Variants in DROSHA observed in about 807,000 individuals in gnomAD.
DROSHA encodes drosha ribonuclease III.
DROSHA carries 56 observed loss-of-function variants against 181.9 expected under a neutral mutation model. The ratio of observed to expected loss-of-function variants is 0.31; its 90% CI spans 0.25 to 0.38. DROSHA has a LOEUF of 0.38. Among genes scored for constraint, DROSHA ranks in the 10% least tolerant of loss-of-function variants. The pLI is 1.00. For synonymous variants in DROSHA, 524 were observed against 591.2 expected (o/e 0.89, Z 1.65); for missense variants, 1,218 against 1,743.5 (o/e 0.70, Z 5.37).
chr5:31,412,263 G>A (rs1346706205), intron 30 of DROSHA, among the ~76,000 whole-genome samples: 2 of 152,196 alleles, frequency 1.3e-5, no homozygotes, highest in Non-Finnish European at 2.9e-5. Flanking sequence ...AGATTTGGGA[G>A]AGTAATGCAT....
chr5:31,526,240 G>A lies in DROSHA; in HGVS notation c.693C>T (p.His231=), dbSNP rs1740543488. The part of the protein sequence containing the change: ...SPERLKHYDD[H]RHRDHSHGRG... The stretch of plus-strand genomic sequence containing the variant: ...GCCCATGACTGTGATCTCGGTGCCT[G>A]TGGTCATCATAGTGTTTCAGCCTTT... The change falls in exon 5 of 36, where the codon CAC becomes CAT. Residue 231 remains histidine (H), a synonymous_variant. Coordinates refer to ENST00000344624, the MANE Select transcript of DROSHA (RefSeq NM_001382508.1). The A allele has an allele frequency of 6.2e-7, 1 of 1,613,964 alleles. No homozygotes were observed. The highest frequency in any genetic ancestry group is 8.5e-7 in the Non-Finnish European group (1 of 1,179,890).
chr5:31,414,787 T>C (rs1741750375), intron 30 of DROSHA, among the ~76,000 whole-genome samples: 1 of 152,214 alleles, frequency 6.6e-6, no homozygotes, highest in Admixed American at 6.5e-5. Context: ...CAATGTAAAA[T>C]GTTTTGGATA....
chr5:31,510,579 A>G (rs961991334), intron 9 of DROSHA, among the ~76,000 whole-genome samples: 1 of 152,260 alleles, frequency 6.6e-6, no homozygotes, highest in Non-Finnish European at 1.5e-5. Flanking sequence ...ATGAAAAAAT[A>G]GACCACCTTA....
In DROSHA at chr5:31,401,521, G is replaced by A. The variant is rs1739994320; in HGVS notation, c.4036C>T (p.Arg1346Trp). Reference protein sequence around the residue: ...QMAHQKRFIERKYRQELKEMR... With the variant: ...QMAHQKRFIEWKYRQELKEMR... The stretch of plus-strand genomic sequence containing the variant: ...TCTTTTAACTCTTGTCTGTACTTCC[G>A]TTCGATGAACCGCTTCTGATGGGCC... Residue 1346 changes from arginine to tryptophan, a missense_variant, in exon 36 of 36, where the codon CGG becomes TGG. By Grantham distance (101) the Arg-to-Trp change is moderately radical (BLOSUM62 -3). Around this residue, in one of 8 missense-constraint regions of DROSHA, gnomAD observed 48 missense variants for 124.9 expected, o/e 0.38. Transcript: ENST00000344624. The A allele has an allele frequency of 1.9e-6, 3 of 1,605,140 alleles. No homozygotes were observed. The highest frequency in any genetic ancestry group is 2.2e-5 in the East Asian group (1 of 44,456).
intron 16 of DROSHA, among the ~76,000 whole-genome samples, chr5:31,474,869 AC>A (rs746025456): frequency 1.3e-5 from 2 of 152,182 alleles, no homozygotes; most frequent in East Asian, 1.9e-4. Flanking sequence ...TTCATCAACA[AC>A]CCAACCACGA....
At chr5:31,518,073 A>G (rs918897206) in intron 6 of DROSHA, among the ~76,000 whole-genome samples, 1 of 152,218 alleles carries the variant, frequency 6.6e-6, no homozygotes, top group Non-Finnish European at 1.5e-5. Flanking sequence ...ACACAAACTT[A>G]GATGGTATAG....
chr5:31,521,523 T>C (rs540214422), intron 5 of DROSHA, among the ~76,000 whole-genome samples: 35 of 152,320 alleles, frequency 2.3e-4, no homozygotes, highest in African/African-American at 8.2e-4. Context: ...CAATCCTTGG[T>C]TATTTAACCT....
chr5:31,479,149 A>T (rs1750731649), intron 16 of DROSHA, among the ~76,000 whole-genome samples: 1 of 152,166 alleles, frequency 6.6e-6, no homozygotes, highest in South Asian at 2.1e-4. Flanking sequence ...AAAAAAAGGA[A>T]GTTGTGTAAC....
At chr5:31,493,916 T>A (rs941658321) in intron 12 of DROSHA, among the ~76,000 whole-genome samples, 16 of 150,498 alleles carry the variant, frequency 1.1e-4, no homozygotes, top group African/African-American at 3.7e-4. Flanking sequence ...CTATTCCTTA[T>A]GCCATTCTTA....
At chr5:31,488,065 C>T (rs901613361) in intron 13 of DROSHA, among the ~76,000 whole-genome samples, 1 of 151,876 alleles carries the variant, frequency 6.6e-6, no homozygotes, top group Non-Finnish European at 1.5e-5. Flanking sequence ...AAACAAGCAA[C>T]AAAAAAAGTA....
At position 31,400,622 on chromosome 5, in the gene DROSHA, G is replaced by A. The variant is rs1739917161; in HGVS notation, c.*810C>T. 1 of 152,134 alleles carries A rather than the reference G, an allele frequency of 6.6e-6. No individual in the cohort carries two copies. Among genetic ancestry groups the A allele is most frequent in the Admixed American group, 6.6e-5 (1 of 15,258 alleles). 9.4% of individuals were successfully genotyped at this position (152,134 alleles called of 1,614,324 possible). On this transcript the variant is annotated 3_prime_UTR_variant, in exon 36 of 36. Coordinates refer to ENST00000344624, the MANE Select transcript of DROSHA (RefSeq NM_001382508.1). ...TTTTACTGCAGGGCCCACTTAGAGA[G>A]GCTGATAAAAGCTATAAACCCTCCT...
At chr5:31,503,277 T>A (rs191953780) in intron 11 of DROSHA, among the ~76,000 whole-genome samples, 5 of 152,270 alleles carry the variant, frequency 3.3e-5, no homozygotes, top group Non-Finnish European at 7.4e-5. Context: ...CTAAGCTATA[T>A]AATTAAGCTA....
intron 16 of DROSHA, among the ~76,000 whole-genome samples, chr5:31,481,658 C>T (rs189948368): frequency 4.7e-4 from 72 of 152,256 alleles, no homozygotes; most frequent in Admixed American, 4.1e-3. Flanking sequence ...TAAACATGAA[C>T]AGTAATACTA....
intron 16 of DROSHA, among the ~76,000 whole-genome samples, chr5:31,483,037 A>G (rs1334663803): frequency 6.6e-6 from 1 of 152,158 alleles, no homozygotes; most frequent in East Asian, 1.9e-4. Flanking sequence ...CAGTTAAAAT[A>G]TTGCTTTAAA....
chr5:31,506,723 A>G (rs1165088762), intron 10 of DROSHA, among the ~76,000 whole-genome samples: 1 of 151,626 alleles, frequency 6.6e-6, no homozygotes, highest in Non-Finnish European at 1.5e-5. Context: ...AAAAAAAGTT[A>G]TAACACACTC....
chr5:31,450,877 G>A (rs753493756), intron 21 of DROSHA, among the ~76,000 whole-genome samples: 16 of 152,218 alleles, frequency 1.1e-4, no homozygotes, highest in Non-Finnish European at 4.4e-5. Context: ...GATCTCTGAC[G>A]CAAGCCCTCT....
chr5:31,481,580 C>T (rs1469329581), intron 16 of DROSHA, among the ~76,000 whole-genome samples: 1 of 152,156 alleles, frequency 6.6e-6, no homozygotes, highest in Non-Finnish European at 1.5e-5. Context: ...AGAGAAGAAA[C>T]GGCATCTCAA....
chr5:31,465,660 G>A (rs980662508), intron 19 of DROSHA, among the ~76,000 whole-genome samples: 7 of 152,118 alleles, frequency 4.6e-5, no homozygotes, highest in African/African-American at 1.4e-4. Flanking sequence ...CTGGTGGGAG[G>A]TTTTTGCGTC....
At chr5:31,424,084 G>A (rs916535090) in intron 28 of DROSHA, among the ~76,000 whole-genome samples, 1 of 152,124 alleles carries the variant, frequency 6.6e-6, no homozygotes, top group East Asian at 1.9e-4. Context: ...CACTTTCCCT[G>A]CAAAAGCAAG....
Sources: gnomAD v4.1 joint callset for allele counts (sites outside exome capture counted in the v4.1 genomes callset) on GRCh38, gnomAD v4.1.1 for gene constraint, gnomAD v4.1.1 regional missense constraint, MANE v1.5 for transcripts, NCBI Gene and HGNC (gene_info 2026-07-23, HGNC 2026-07-21) for gene names.